C8orf34: variants seen among roughly 807,000 people sequenced by gnomAD.
The protein encoded by C8orf34 is chromosome 8 open reading frame 34.
In C8orf34, 65 loss-of-function variants were observed where a neutral mutation model predicts 68.3. The observed-to-expected ratio is 0.95, with a 90% CI of 0.78 to 1.17. The LOEUF (loss-of-function observed/expected upper bound fraction) is 1.17, where lower values mean the gene tolerates loss of function less well. Among genes scored for constraint, C8orf34 ranks in the 50% most tolerant of loss-of-function variants. The pLI is 0.00. For missense variants in C8orf34, 664 were observed against 655.4 expected (o/e 1.01, Z -0.14); for synonymous variants, 244 against 241.2 (o/e 1.01, Z -0.11).
chr8:68,530,228 T>A (rs919593739), intron 6 of C8orf34, among the ~76,000 whole-genome samples: 1 of 152,058 alleles, frequency 6.6e-6, no homozygotes, highest in Admixed American at 6.5e-5. Flanking sequence ...CACTGGATTA[T>A]TAAATATATT....
chr8:68,414,223 T>A (rs1809566504), intron 1 of C8orf34, among the ~76,000 whole-genome samples: 1 of 152,210 alleles, frequency 6.6e-6, no homozygotes, highest in African/African-American at 2.4e-5. Context: ...TTCCAGAATA[T>A]GTATTTATTT....
intron 7 of C8orf34, among the ~76,000 whole-genome samples, chr8:68,541,557 G>A (rs1815702491): frequency 1.3e-5 from 2 of 152,144 alleles, no homozygotes; most frequent in African/African-American, 4.8e-5. Flanking sequence ...CCTGTCTTTA[G>A]CATGTAAGTT....
At chr8:68,628,822 T>C (rs1818610781) in intron 7 of C8orf34, among the ~76,000 whole-genome samples, 1 of 152,230 alleles carries the variant, frequency 6.6e-6, no homozygotes, top group Non-Finnish European at 1.5e-5. Flanking sequence ...TGAATGAATG[T>C]CCTGGGATTA....
chr8:68,333,863 T>C (rs1186729749), intron 1 of C8orf34, among the ~76,000 whole-genome samples: 1 of 152,232 alleles, frequency 6.6e-6, no homozygotes, highest in Non-Finnish European at 1.5e-5. Flanking sequence ...GTTGAGTCAG[T>C]GTAGCTGACA....
intron 10 of C8orf34, among the ~76,000 whole-genome samples, chr8:68,745,306 C>T (rs1023357729): frequency 1.3e-5 from 2 of 151,976 alleles, no homozygotes; most frequent in African/African-American, 4.8e-5. Context: ...ACCATCGAGA[C>T]TAGGAAGAAA....
chr8:68,727,945 G>A (rs1292963367), intron 10 of C8orf34, among the ~76,000 whole-genome samples: 1 of 152,152 alleles, frequency 6.6e-6, no homozygotes, highest in Non-Finnish European at 1.5e-5. Context: ...ATTAACATTA[G>A]GATCCTTGCT....
chr8:68,725,983 A>G (rs917564280), intron 10 of C8orf34, among the ~76,000 whole-genome samples: 4 of 151,976 alleles, frequency 2.6e-5, no homozygotes, highest in African/African-American at 9.7e-5. Context: ...ATCTCAGCTC[A>G]CTGCAACCTC....
At chr8:68,730,062 A>G (rs1821937597) in intron 10 of C8orf34, among the ~76,000 whole-genome samples, 1 of 152,160 alleles carries the variant, frequency 6.6e-6, no homozygotes, top group African/African-American at 2.4e-5. Flanking sequence ...TTTTCTTGCA[A>G]TGTCCATCTA....
chr8:68,731,369 A>T lies in C8orf34; in HGVS notation c.1404+9932A>T, dbSNP rs998425378. Among the ~76,000 whole-genome samples, 4 of 152,314 alleles carry T rather than the reference A, an allele frequency of 2.6e-5. No homozygotes were observed. The East Asian group carries it at 7.7e-4, about 29-fold the overall frequency. On this transcript the variant is annotated intron_variant, in intron 10 of 13. Transcript: ENST00000518698. ...CTGAAAAGTGTGCTGACTCAAACAAACCAAAAAAATACTTTATATTCCTGA... is the reference window on the plus strand; with the variant it reads ...CTGAAAAGTGTGCTGACTCAAACAATCCAAAAAAATACTTTATATTCCTGA...
At chr8:68,559,827 CTCCTAGG>C (rs1816366813) in intron 7 of C8orf34, among the ~76,000 whole-genome samples, 1 of 152,128 alleles carries the variant, frequency 6.6e-6, no homozygotes, top group African/African-American at 2.4e-5. Flanking sequence ...AAGAATGTGA[CTCCTAGG>C]GACATGTGGG....
At chr8:68,513,737 G>T (rs1436680010) in intron 5 of C8orf34, among the ~76,000 whole-genome samples, 1 of 152,186 alleles carries the variant, frequency 6.6e-6, no homozygotes, top group African/African-American at 2.4e-5. Context: ...GAAGGGGAAC[G>T]CAGTGGCAGC....
intron 11 of C8orf34, among the ~76,000 whole-genome samples, chr8:68,783,450 G>A (rs944001534): frequency 6.8e-5 from 10 of 147,210 alleles, no homozygotes; most frequent in African/African-American, 1.3e-4. Context: ...CCTGGGAGGC[G>A]GAGGTTGCAG....
intron 11 of C8orf34, among the ~76,000 whole-genome samples, chr8:68,779,730 C>T (rs1823621723): frequency 6.6e-6 from 1 of 152,022 alleles, no homozygotes. Flanking sequence ...ACATTATTCC[C>T]TATAATCAAT....
At chr8:68,542,987 T>C (rs1159356931) in intron 7 of C8orf34, among the ~76,000 whole-genome samples, 1 of 152,154 alleles carries the variant, frequency 6.6e-6, no homozygotes, top group Non-Finnish European at 1.5e-5. Context: ...AGTTGTATTA[T>C]TGCTTTCTCT....
intron 1 of C8orf34, among the ~76,000 whole-genome samples, chr8:68,338,031 A>G (rs1370154892): frequency 1.3e-5 from 2 of 152,212 alleles, no homozygotes; most frequent in African/African-American, 4.8e-5. Flanking sequence ...CACAGAGTCA[A>G]TGATGTGTTT....
intron 1 of C8orf34, among the ~76,000 whole-genome samples, chr8:68,391,850 C>T (rs1808491861): frequency 6.6e-6 from 1 of 152,144 alleles, no homozygotes; most frequent in Admixed American, 6.5e-5. Flanking sequence ...TGACATAAAT[C>T]ACTTTTGCAC....
chr8:68,481,470 T>A (rs1209671582), intron 4 of C8orf34, among the ~76,000 whole-genome samples: 1 of 152,184 alleles, frequency 6.6e-6, no homozygotes, highest in Non-Finnish European at 1.5e-5. Flanking sequence ...GACCCCAGAA[T>A]GGTAGATCCA....
chr8:68,533,508 A>C (rs1815337560), intron 7 of C8orf34: 1 of 991,968 alleles, frequency 1.0e-6, no homozygotes, highest in Admixed American at 6.1e-5. Flanking sequence ...AAATATACCC[A>C]AAGTACATAT....
intron 10 of C8orf34, among the ~76,000 whole-genome samples, chr8:68,752,930 T>G (rs1050065684): frequency 2.0e-5 from 3 of 152,266 alleles, no homozygotes; most frequent in African/African-American, 7.2e-5. Flanking sequence ...TTGAATTGTG[T>G]TTTTTTGAAT....
Sources: allele counts gnomAD v4.1 joint callset (sites outside exome capture counted in the v4.1 genomes callset), GRCh38; gene constraint gnomAD v4.1.1; transcripts MANE v1.5; gene names NCBI Gene and HGNC (gene_info 2026-07-23, HGNC 2026-07-21).